TMC1: variants seen among roughly 807,000 people sequenced by gnomAD.
The protein encoded by TMC1 is transmembrane channel-like protein 1.
In TMC1, 84 loss-of-function variants were observed where a neutral mutation model predicts 105.8. The ratio of observed to expected loss-of-function variants is 0.79; its 90% CI spans 0.67 to 0.95. TMC1 has a LOEUF of 0.95. Ranked by LOEUF, TMC1 falls within the 40% of genes least tolerant of loss-of-function variation. TMC1 has a pLI of 0.00. For synonymous variants in TMC1, 315 were observed against 311.5 expected (o/e 1.01, Z -0.12); for missense variants, 817 against 914.1 (o/e 0.89, Z 1.37).
At chr9:72,821,845 C>G (rs1489162662) in intron 20 of TMC1, among the ~76,000 whole-genome samples, 1 of 152,038 alleles carries the variant, frequency 6.6e-6, no homozygotes, top group Admixed American at 6.5e-5. Flanking sequence ...AGAGAGAATA[C>G]CCCACACTTT....
chr9:72,780,298 A>G (rs1039435198), intron 13 of TMC1, among the ~76,000 whole-genome samples: 2 of 152,198 alleles, frequency 1.3e-5, no homozygotes, highest in Non-Finnish European at 2.9e-5. Context: ...ACCAACTACC[A>G]CAAAAACACA....
At chr9:72,774,561 C>T (rs1235001451) in intron 13 of TMC1, among the ~76,000 whole-genome samples, 2 of 152,070 alleles carry the variant, frequency 1.3e-5, no homozygotes, top group East Asian at 1.9e-4. Context: ...CTCGAAGATG[C>T]CATTTGGGAT....
intron 10 of TMC1, among the ~76,000 whole-genome samples, chr9:72,748,234 A>G (rs1827525396): frequency 6.6e-6 from 1 of 152,194 alleles, no homozygotes; most frequent in African/African-American, 2.4e-5. Context: ...TGTAGCCTAT[A>G]GATCTAAGTC....
chr9:72,627,200 C>T (rs1825362794), intron 3 of TMC1, among the ~76,000 whole-genome samples: 1 of 152,092 alleles, frequency 6.6e-6, no homozygotes, highest in Non-Finnish European at 1.5e-5. Flanking sequence ...AAGTTATAAA[C>T]TCTTAATGCC....
chr9:72,633,863 C>T (rs149027180), intron 4 of TMC1, among the ~76,000 whole-genome samples: 2 of 152,238 alleles, frequency 1.3e-5, no homozygotes, highest in Non-Finnish European at 2.9e-5. Flanking sequence ...AAACAACATC[C>T]GATCCCATGG....
intron 17 of TMC1, among the ~76,000 whole-genome samples, chr9:72,796,688 ACT>A (rs1828376847): frequency 6.6e-6 from 1 of 152,128 alleles, no homozygotes; most frequent in African/African-American, 2.4e-5. Flanking sequence ...CATGTTAAAA[ACT>A]CTCAATAAAC....
intron 4 of TMC1, among the ~76,000 whole-genome samples, chr9:72,635,841 CT>C (rs1410306243): frequency 6.6e-6 from 1 of 152,198 alleles, no homozygotes; most frequent in Admixed American, 6.5e-5. Context: ...GTCATATCAC[CT>C]CACTGAATGC....
chr9:72,696,378 A>G (rs1826551724), intron 7 of TMC1, among the ~76,000 whole-genome samples: 1 of 152,194 alleles, frequency 6.6e-6, no homozygotes, highest in African/African-American at 2.4e-5. Flanking sequence ...TGCTGCGACA[A>G]TTTGTGCATC....
chr9:72,771,167 C>T (rs993571725), intron 12 of TMC1, among the ~76,000 whole-genome samples: 1 of 152,166 alleles, frequency 6.6e-6, no homozygotes, highest in Non-Finnish European at 1.5e-5. Context: ...TGATTCATTC[C>T]GTGCAGTCCC....
intron 12 of TMC1, among the ~76,000 whole-genome samples, chr9:72,767,255 A>G (rs1827853947): frequency 1.3e-5 from 2 of 152,186 alleles, no homozygotes; most frequent in Admixed American, 6.5e-5. Context: ...TACCAGTTTT[A>G]CTTTATACAT....
chr9:72,523,397 A>G (rs569381993), intron 1 of TMC1, among the ~76,000 whole-genome samples: 1 of 152,350 alleles, frequency 6.6e-6, no homozygotes, highest in African/African-American at 2.4e-5. Flanking sequence ...CTTTCCTAAC[A>G]GCCTACTGTT....
At chr9:72,807,320 C>T (rs886222376) in intron 18 of TMC1, among the ~76,000 whole-genome samples, 3 of 152,144 alleles carry the variant, frequency 2.0e-5, no homozygotes, top group African/African-American at 7.2e-5. Context: ...CTTTGTAATT[C>T]GTCATTTACA....
At chr9:72,737,166 CT>C (rs1230063522) in intron 8 of TMC1, among the ~76,000 whole-genome samples, 1 of 152,094 alleles carries the variant, frequency 6.6e-6, no homozygotes, top group African/African-American at 2.4e-5. Context: ...TATTCCTACG[CT>C]GCTTGGTTTA....
chr9:72,667,055 G>A (rs1372270233), intron 5 of TMC1, among the ~76,000 whole-genome samples: 1 of 152,116 alleles, frequency 6.6e-6, no homozygotes, highest in Non-Finnish European at 1.5e-5. Context: ...ACTCCAGCCC[G>A]GGTGACAGGG....
chr9:72,525,448 G>T (rs1018334086), intron 1 of TMC1, among the ~76,000 whole-genome samples: 3 of 152,172 alleles, frequency 2.0e-5, no homozygotes, highest in African/African-American at 4.8e-5. Context: ...TGTGTGATGG[G>T]AAGTTTAGGG....
intron 8 of TMC1, among the ~76,000 whole-genome samples, chr9:72,724,425 A>G (rs2117958082): frequency 6.6e-6 from 1 of 152,326 alleles, no homozygotes; most frequent in Admixed American, 6.5e-5. Context: ...ATGAGGATAG[A>G]GCCCTCATGG....
At chr9:72,755,112 GAGAAAGAA>G (rs879459521) in intron 12 of TMC1, among the ~76,000 whole-genome samples, 13 of 150,718 alleles carry the variant, frequency 8.6e-5, no homozygotes, top group Non-Finnish European at 1.5e-4. Context: ...AAGAAAGAAA[GAGAAAGAA>G]AGAAAGAAAG....
At chr9:72,677,508 C>A (rs1040178473) in intron 5 of TMC1, among the ~76,000 whole-genome samples, 13 of 152,128 alleles carry the variant, frequency 8.5e-5, no homozygotes, top group Admixed American at 6.6e-4. Context: ...CAAATAGACA[C>A]ATAAAATTCA....
chr9:72,757,730 T>G (rs1231286909), intron 12 of TMC1, among the ~76,000 whole-genome samples: 1 of 152,230 alleles, frequency 6.6e-6, no homozygotes, highest in Non-Finnish European at 1.5e-5. Context: ...ACTTGTGGCA[T>G]CATATCGGTG....
Sources: gnomAD v4.1 joint callset for allele counts (sites outside exome capture counted in the v4.1 genomes callset) on GRCh38, gnomAD v4.1.1 for gene constraint, MANE v1.5 for transcripts, NCBI Gene and HGNC (gene_info 2026-07-23, HGNC 2026-07-21) for gene names.